Variants in LAPTM4B observed in about 807,000 individuals in gnomAD.
The protein encoded by LAPTM4B is lysosomal protein transmembrane 4 beta, also known as lysosomal-associated transmembrane protein 4B.
LAPTM4B carries 26 observed loss-of-function variants against 28.5 expected under a neutral mutation model. The ratio of observed to expected loss-of-function variants is 0.91; its 90% CI spans 0.67 to 1.27. The LOEUF is 1.27. LAPTM4B is among the 50% of genes most tolerant of loss of function. The pLI is 0.00. For synonymous variants in LAPTM4B, 109 were observed against 106.4 expected, an observed-to-expected ratio of 1.02 and a Z score of -0.15; for missense variants, 288 against 285.8, an observed-to-expected ratio of 1.01 and a Z score of -0.06.
intron 6 of LAPTM4B, among the ~76,000 whole-genome samples, chr8:97,842,596 A>T (rs984007208): frequency 6.6e-6 from 1 of 151,590 alleles, no homozygotes; most frequent in African/African-American, 2.4e-5. Context: ...TCAGCTCACT[A>T]CAAGCTCCGC....
chr8:97,797,222 C>T (rs1816603454), intron 1 of LAPTM4B, among the ~76,000 whole-genome samples: 1 of 151,440 alleles, frequency 6.6e-6, no homozygotes, highest in Non-Finnish European at 1.5e-5. Flanking sequence ...GAAACCTCTG[C>T]TTCCCAGGTT....
intron 6 of LAPTM4B, among the ~76,000 whole-genome samples, chr8:97,848,213 G>C (rs1347535239): frequency 1.3e-5 from 2 of 152,210 alleles, no homozygotes; most frequent in Non-Finnish European, 2.9e-5. Context: ...ACTCAGCCGA[G>C]ATCGCGCCAC....
intron 1 of LAPTM4B, among the ~76,000 whole-genome samples, chr8:97,779,644 T>C (rs1368134925): frequency 6.7e-6 from 1 of 149,354 alleles, no homozygotes; most frequent in Admixed American, 6.7e-5. Flanking sequence ...AATTATTCGG[T>C]CGTGGTGGCA....
chr8:97,815,969 C>T, intron 3 of LAPTM4B, 89 bp from the exon 4 acceptor site: 3 of 1,280,486 alleles, frequency 2.3e-6, no homozygotes, highest in Non-Finnish European at 3.2e-6. Context: ...TTTCCATTTC[C>T]TTTCAGATTA....
At chr8:97,788,142 T>C (rs1034356165) in intron 1 of LAPTM4B, 2 of 158,674 alleles carry the variant, frequency 1.3e-5, no homozygotes, top group African/African-American at 2.4e-5. Flanking sequence ...CATTTTCAGC[T>C]TGCTGTGGGA....
chr8:97,844,158 C>T (rs2129852881), intron 6 of LAPTM4B, among the ~76,000 whole-genome samples: 1 of 152,160 alleles, frequency 6.6e-6, no homozygotes, highest in Non-Finnish European at 1.5e-5. Context: ...GTGGCATGAT[C>T]ATGACTCATT....
rs111692137 is a variant in LAPTM4B, at chr8:97,852,051, T to A, written c.*577T>A. The A allele has an allele frequency of 3.9e-3, 607 of 154,664 alleles. 4 individuals are homozygous for A. The highest frequency in any genetic ancestry group is 0.013 in the African/African-American group (561 of 41,582). 9.6% of individuals were successfully genotyped at this position (154,664 alleles called of 1,614,324 possible). On this transcript the variant is annotated 3_prime_UTR_variant, in exon 7 of 7. Coordinates refer to ENST00000521545, the MANE Select transcript of LAPTM4B (RefSeq NM_018407.6). ...AAAGGATTTTCTCCATGGCCTGAAT[T>A]AAGACCATTAGAAAGCACCAGGCCG...
intron 1 of LAPTM4B, among the ~76,000 whole-genome samples, chr8:97,787,746 T>C (rs1485876684): frequency 6.6e-6 from 1 of 152,238 alleles, no homozygotes; most frequent in Non-Finnish European, 1.5e-5. Flanking sequence ...TTAATGTTTG[T>C]TTAGAATTAC....
chr8:97,775,896 G>A lies in LAPTM4B; in HGVS notation c.-114G>A. The stretch of plus-strand genomic sequence containing the variant: ...AGGCCCGCGGGCGCACGGGCGAGCG[G>A]GCCGGGAGCCGGAGCGGCGGAGGAG... On this transcript the variant is annotated 5_prime_UTR_variant, in exon 1 of 7. Coordinates refer to ENST00000521545, the MANE Select transcript of LAPTM4B (RefSeq NM_018407.6). 6.8e-7 allele frequency: 1 copy of A among 1,461,824 alleles called. No homozygotes were observed. Among genetic ancestry groups the A allele is most frequent in the Non-Finnish European group, 9.0e-7 (1 of 1,115,466 alleles). The allele number at this position is 1,461,824 out of a possible 1,614,324, so 90.6% of individuals were successfully genotyped here.
chr8:97,778,438 C>T (rs1816259955), intron 1 of LAPTM4B, among the ~76,000 whole-genome samples: 1 of 151,986 alleles, frequency 6.6e-6, no homozygotes, highest in Non-Finnish European at 1.5e-5. Flanking sequence ...ATCTTGGCTC[C>T]TTCACTTGCA....
At chr8:97,815,126 C>A (rs1816889064) in intron 2 of LAPTM4B, among the ~76,000 whole-genome samples, 1 of 152,034 alleles carries the variant, frequency 6.6e-6, no homozygotes, top group South Asian at 2.1e-4. Context: ...TTTATATAAT[C>A]CAGTGGACCA....
At chr8:97,818,318 T>C (rs1235100590) in intron 4 of LAPTM4B, among the ~76,000 whole-genome samples, 1 of 151,714 alleles carries the variant, frequency 6.6e-6, no homozygotes, top group Non-Finnish European at 1.5e-5. Context: ...TTTGGAATAT[T>C]GCTCGTGAGG....
intron 2 of LAPTM4B, among the ~76,000 whole-genome samples, chr8:97,810,888 G>T (rs993402513): frequency 6.6e-6 from 1 of 152,198 alleles, no homozygotes; most frequent in Non-Finnish European, 1.5e-5. Flanking sequence ...ACAGTCACCT[G>T]ATTTAGGCTA....
At chr8:97,825,623 A>G (rs1339168952) in intron 6 of LAPTM4B, among the ~76,000 whole-genome samples, 1 of 152,256 alleles carries the variant, frequency 6.6e-6, no homozygotes, top group Non-Finnish European at 1.5e-5. Context: ...TTAGTAAAAT[A>G]ATTTAGATGA....
At chr8:97,781,864 A>G (rs75475664) in intron 1 of LAPTM4B, among the ~76,000 whole-genome samples, 4,498 of 152,098 alleles carry the variant, frequency 0.03, 203 homozygotes, top group African/African-American at 0.1. Context: ...TTTTTATTGT[A>G]TTAATATACC....
At chr8:97,808,651 A>G (rs1354932682) in intron 2 of LAPTM4B, among the ~76,000 whole-genome samples, 1 of 152,056 alleles carries the variant, frequency 6.6e-6, no homozygotes, top group Non-Finnish European at 1.5e-5. Context: ...CGTGATTTAA[A>G]TGATGGAAAG....
intron 2 of LAPTM4B, among the ~76,000 whole-genome samples, chr8:97,808,786 C>G (rs1276367030): frequency 6.6e-6 from 1 of 152,008 alleles, no homozygotes; most frequent in Non-Finnish European, 1.5e-5. Flanking sequence ...TGGCAAAACC[C>G]TGTCTCTACT....
At chr8:97,789,972 T>G (rs1211799265) in intron 1 of LAPTM4B, among the ~76,000 whole-genome samples, 1 of 152,218 alleles carries the variant, frequency 6.6e-6, no homozygotes, top group Non-Finnish European at 1.5e-5. Flanking sequence ...CATGCAAAGT[T>G]TGGTTTCCTG....
intron 1 of LAPTM4B, among the ~76,000 whole-genome samples, chr8:97,780,380 G>T (rs921212551): frequency 6.6e-6 from 1 of 151,282 alleles, no homozygotes; most frequent in African/African-American, 2.4e-5. Flanking sequence ...AGCTGAGATC[G>T]TGCGATTGCA....
Sources: allele counts gnomAD v4.1 joint callset (sites outside exome capture counted in the v4.1 genomes callset), GRCh38; gene constraint gnomAD v4.1.1; transcripts MANE v1.5; gene names NCBI Gene and HGNC (gene_info 2026-07-23, HGNC 2026-07-21).